Variants in SREBF2 observed in about 807,000 individuals in gnomAD.
SREBF2 encodes the protein sterol regulatory element binding transcription factor 2, also known as sterol regulatory element-binding protein 2.
A neutral mutation model predicts 113.1 loss-of-function variants in SREBF2; 55 were observed. The observed-to-expected ratio is 0.49, with a 90% confidence interval of 0.39 to 0.61. The LOEUF is 0.61. SREBF2 is among the 20% of genes least tolerant of loss of function. The pLI is 0.00. For synonymous variants in SREBF2, 593 were observed against 605.7 expected (o/e 0.98, Z 0.31); for missense variants, 1,349 against 1,487.4 (o/e 0.91, Z 1.53).
intron 14 of SREBF2, among the ~76,000 whole-genome samples, chr22:41,897,679 C>G (rs2077428776): frequency 6.6e-6 from 1 of 152,234 alleles, no homozygotes; most frequent in Non-Finnish European, 1.5e-5. Context: ...GATAGCACAT[C>G]AGCTGCCAAC....
chr22:41,893,152 C>A lies in SREBF2; in HGVS notation c.2244C>A (p.Gly748=), dbSNP rs1226297141. Residue 748 remains glycine, a synonymous_variant, in exon 12 of 19, where the codon GGC becomes GGA. Coordinates refer to ENST00000361204, the MANE Select transcript of SREBF2 (RefSeq NM_004599.4). ...YFLSRAQSLC[G]PEHSAVPDSL... ...TCAGCCGAGCCCAGAGCCTGTGTGG[C>A]CCCGAGCACAGTGCTGTTCCTGACT... 6.2e-7 allele frequency: 1 copy of A among 1,613,926 alleles called. No individual in the cohort carries two copies. Among genetic ancestry groups the A allele is most frequent in the Non-Finnish European group, 8.5e-7 (1 of 1,180,048 alleles).
intron 1 of SREBF2, among the ~76,000 whole-genome samples, chr22:41,860,456 A>G (rs978388575): frequency 1.3e-5 from 2 of 152,230 alleles, no homozygotes; most frequent in African/African-American, 2.4e-5. Context: ...GTGAGGAAAC[A>G]CTAGCAGGAG....
Position 41,875,742 on chromosome 22 carries a change from C to A in SREBF2, c.1386+18C>A, listed in dbSNP as rs779287130. The A allele has an allele frequency of 6.2e-6, 10 of 1,613,678 alleles. No individual in the cohort carries two copies. The highest frequency in any genetic ancestry group is 4.2e-6 in the Non-Finnish European group (5 of 1,179,684). On this transcript the variant is annotated intron_variant, in intron 7 of 18. Transcript: ENST00000361204. ...ATGCAAAGGTACAGACTTTTGAAAT[C>A]TCCTGATCCCTGGAATCTTTCCCAT... is the stretch of plus-strand genomic sequence containing the variant.
Position 41,905,460 on chromosome 22 carries a change from G to T in SREBF2, c.3226G>T (p.Gly1076Cys), listed in dbSNP as rs749342990. The T allele has an allele frequency of 1.3e-6, 2 of 1,577,362 alleles. No individual in the cohort carries two copies. The highest frequency in any genetic ancestry group is 1.3e-5 in the African/African-American group (1 of 74,594). Residue 1076 changes from glycine to cysteine, a missense_variant, in exon 19 of 19, where the codon GGC (glycine) becomes TGC (cysteine). Physicochemically the swap from Gly to Cys is radical, Grantham distance 159. This residue lies in a region of SREBF2 where 650 missense variants were observed against 644.1 expected (regional missense o/e 1.01). Coordinates refer to ENST00000361204, the MANE Select transcript of SREBF2 (RefSeq NM_004599.4). ...CACAGGAGAGGTGGATGCCTGGCCC[G>T]GCCAGCGAGAGCGGGCCACCGCCAT... ...TKHGEVDAWP[G>C]QRERATAILL...
In SREBF2 at chr22:41,878,102, G is replaced by A; in HGVS notation, c.1740G>A (p.Gln580=). The change falls in exon 9 of 19, where the codon CAG becomes CAA. Residue 580 remains glutamine (Q), a synonymous_variant. Transcript: ENST00000361204. ...SSVTFWRHRK[Q]ADLDLARGDF... Reference sequence around the variant, plus strand: ...TCACCTTCTGGAGGCACCGGAAACAGGCAGATCTGGATCTCGCCAGAGTGA... The same window carrying A: ...TCACCTTCTGGAGGCACCGGAAACAAGCAGATCTGGATCTCGCCAGAGTGA... 1.2e-6 allele frequency: 2 copies of A among 1,614,152 alleles called. No individual in the cohort carries two copies. The highest frequency in any genetic ancestry group is 1.7e-6 in the Non-Finnish European group (2 of 1,180,038).
chr22:41,873,184 C>T (rs186163766), intron 4 of SREBF2, among the ~76,000 whole-genome samples: 45 of 151,468 alleles, frequency 3.0e-4, no homozygotes, highest in Admixed American at 2.8e-3. Context: ...GCAACAAGAG[C>T]GAAACTCCGT....
intron 2 of SREBF2, among the ~76,000 whole-genome samples, chr22:41,867,913 T>A (rs2077101434): frequency 6.6e-6 from 1 of 152,190 alleles, no homozygotes; most frequent in Admixed American, 6.5e-5. Context: ...GGCAGCCAGA[T>A]CTCAGCTGCC....
rs1379321883 is a variant in SREBF2, at chr22:41,868,683, A to G, written c.611A>G (p.Gln204Arg). The change falls in exon 3 of 19, where the codon CAG becomes CGG. Residue 204 changes from glutamine to arginine, a missense_variant. Physicochemically the swap from Gln to Arg is conservative, Grantham distance 43. Around this residue, in one of 2 missense-constraint regions of SREBF2, gnomAD observed 699 missense variants for 843.3 expected, o/e 0.83. Coordinates refer to ENST00000361204, the MANE Select transcript of SREBF2 (RefSeq NM_004599.4). ...VQPVTIQQQVQTVQAQRVLTQ... is the reference protein window; with the variant it reads ...VQPVTIQQQVRTVQAQRVLTQ... ...CCGGTCACCATTCAGCAGCAGGTGC[A>G]GACAGTACAGGCCCAGCGGGTGCTG... is the stretch of plus-strand genomic sequence containing the variant. 6.2e-6 allele frequency: 10 copies of G among 1,614,128 alleles called. No individual in the cohort carries two copies. Among genetic ancestry groups the G allele is most frequent in the Non-Finnish European group, 8.5e-6 (10 of 1,180,050 alleles).
intron 10 of SREBF2, among the ~76,000 whole-genome samples, chr22:41,882,064 C>T (rs571446056): frequency 6.6e-6 from 1 of 152,134 alleles, no homozygotes; most frequent in Non-Finnish European, 1.5e-5. Context: ...TTAGAAGATT[C>T]ACTCTGATGG....
intron 16 of SREBF2, among the ~76,000 whole-genome samples, chr22:41,902,472 C>G: frequency 6.6e-6 from 1 of 152,162 alleles, no homozygotes; most frequent in East Asian, 1.9e-4. Flanking sequence ...CACTAAGGCA[C>G]TCTGTGGTTC....
intron 17 of SREBF2, among the ~76,000 whole-genome samples, chr22:41,903,766 G>A (rs964978538): frequency 5.9e-5 from 9 of 152,140 alleles, no homozygotes; most frequent in African/African-American, 9.7e-5. Context: ...GAGGGGGCAC[G>A]GGCTGGGCTG....
At chr22:41,896,584 CCT>C (rs1466883518) in intron 13 of SREBF2, among the ~76,000 whole-genome samples, 3 of 152,190 alleles carry the variant, frequency 2.0e-5, no homozygotes, top group African/African-American at 7.2e-5. Flanking sequence ...GTCTGGAACT[CCT>C]GACCTCAAGT....
rs12168347 is a variant in SREBF2, at chr22:41,850,046, G to A, written c.88+16688G>A. Among the ~76,000 whole-genome samples the A allele has an allele frequency of 4.2e-3, 638 of 151,696 alleles. 1 individual carries two copies. Among genetic ancestry groups the A allele is most frequent in the African/African-American group, 0.015 (611 of 41,292 alleles). On this transcript the variant is annotated intron_variant, in intron 1 of 18. Transcript: ENST00000361204. ...TCCCAGCTACTCGGGAGGCTGAGGC[G>A]AGAGAATCGCTTTAACCTGGGAGGC... is the stretch of plus-strand genomic sequence containing the variant.
At chr22:41,879,681 G>A (rs2077227817) in intron 9 of SREBF2, among the ~76,000 whole-genome samples, 1 of 152,134 alleles carries the variant, frequency 6.6e-6, no homozygotes, top group African/African-American at 2.4e-5. Flanking sequence ...GTAATGATGT[G>A]GGAAACAAAG....
chr22:41,863,414 CTG>C (rs1482610073), intron 1 of SREBF2, among the ~76,000 whole-genome samples: 13 of 152,226 alleles, frequency 8.5e-5, no homozygotes, highest in African/African-American at 3.1e-4. Context: ...TTACAGCCCT[CTG>C]TATTGATTTC....
Position 41,833,432 on chromosome 22 carries a change from G to GT in SREBF2, c.88+75dup. On this transcript the variant is annotated intron_variant, in intron 1 of 18. Coordinates refer to ENST00000361204, the MANE Select transcript of SREBF2 (RefSeq NM_004599.4). This position sits in a 1 kb window ranked among gnomAD's most constrained non-coding sequence, Gnocchi z 4.1. The stretch of plus-strand genomic sequence containing the variant: ...GTTACGGCGGCGCGCCCGGGTGCGC[G>GT]TGCGCCCACCCCCCGACAGCCCCGG... 1 of 1,341,520 alleles carries GT rather than the reference G, an allele frequency of 7.5e-7. No individual in the cohort carries two copies. The highest frequency in any genetic ancestry group is 1.0e-6 in the Non-Finnish European group (1 of 978,306). The allele number at this position is 1,341,520 out of a possible 1,614,324, so 83.1% of individuals were successfully genotyped here.
At chr22:41,855,580 T>G (rs1350820949) in intron 1 of SREBF2, among the ~76,000 whole-genome samples, 1 of 152,138 alleles carries the variant, frequency 6.6e-6, no homozygotes, top group Non-Finnish European at 1.5e-5. Flanking sequence ...AGCTTAAAGG[T>G]TTTCTTTTCT....
At chr22:41,890,985 T>C (rs944901547) in intron 11 of SREBF2, among the ~76,000 whole-genome samples, 1 of 152,126 alleles carries the variant, frequency 6.6e-6, no homozygotes, top group African/African-American at 2.4e-5. Context: ...CCTTTCTGGT[T>C]CCTCTTGCCG....
rs1411192146 is a variant in SREBF2 at position 41,897,065 on chromosome 22, G to A, written c.2509G>A (p.Ala837Thr). The A allele has an allele frequency of 3.7e-6, 6 of 1,612,554 alleles. No homozygotes were observed. Among genetic ancestry groups the A allele is most frequent in the Non-Finnish European group, 5.1e-6 (6 of 1,179,206 alleles). ...QEEESCEFSSALEYLKLLHSF... is the reference protein window; with the variant it reads ...QEEESCEFSSTLEYLKLLHSF... ...TTTTCTTCCTAGTGAATTCTCCAGTGCTCTGGAGTACTTGAAATTACTTCA... is the reference window on the plus strand; with the variant it reads ...TTTTCTTCCTAGTGAATTCTCCAGTACTCTGGAGTACTTGAAATTACTTCA... Residue 837 changes from alanine to threonine, a missense_variant, in exon 14 of 19, where the codon GCT (alanine) becomes ACT (threonine). By Grantham distance (58) the Ala-to-Thr change is moderately conservative (BLOSUM62 0). This residue lies in a region of SREBF2 where 650 missense variants were observed against 644.1 expected (regional missense o/e 1.01). Transcript: ENST00000361204.
Sources: allele counts gnomAD v4.1 joint callset (sites outside exome capture counted in the v4.1 genomes callset), GRCh38; gene constraint gnomAD v4.1.1; regional missense constraint gnomAD v4.1.1; non-coding constraint Gnocchi (gnomAD v3.1); transcripts MANE v1.5; gene names NCBI Gene and HGNC (gene_info 2026-07-23, HGNC 2026-07-21).